Variants in QSOX2 observed in about 807,000 individuals in gnomAD.
QSOX2 encodes the protein quiescin sulfhydryl oxidase 2.
In QSOX2, 46 loss-of-function variants were observed where a neutral mutation model predicts 61.7. The ratio of observed to expected loss-of-function variants is 0.75; its 90% confidence interval spans 0.59 to 0.95. The LOEUF (loss-of-function observed/expected upper bound fraction) is 0.95. QSOX2 is among the 40% of genes least tolerant of loss of function. The pLI, the probability that QSOX2 is intolerant of heterozygous loss-of-function variation, is 0.00. For synonymous variants in QSOX2, 383 were observed against 388.4 expected (o/e 0.99, Z 0.16); for missense variants, 879 against 918.9 (o/e 0.96, Z 0.56).
intron 10 of QSOX2, 51 bp from the exon 11 acceptor site, chr9:136,211,503 G>C (rs1170640334): frequency 1.9e-6 from 3 of 1,576,022 alleles, no homozygotes; most frequent in Non-Finnish European, 2.6e-6. Context: ...GGCATCACCT[G>C]ACCCCACGCT....
At position 136,223,106 on chromosome 9, in the gene QSOX2, G is replaced by A. The variant is rs534311353; in HGVS notation, c.675+657C>T. Among the ~76,000 whole-genome samples the A allele has an allele frequency of 5.9e-5, 9 of 152,292 alleles. No homozygotes were observed. The South Asian group carries it at 8.3e-4, about 14-fold the overall frequency. Reference sequence around the variant, plus strand: ...GGCAAAGCTGTTTCCTACATTCACCGCAAGGCCCCTCACAGTGGACAGAAA... The same window carrying A: ...GGCAAAGCTGTTTCCTACATTCACCACAAGGCCCCTCACAGTGGACAGAAA... On this transcript the variant is annotated intron_variant, in intron 5 of 11. Coordinates refer to ENST00000358701, the MANE Select transcript of QSOX2 (RefSeq NM_181701.4). The surrounding 1 kb of genome is among the most constrained non-coding windows in gnomAD (Gnocchi z 4.4).
rs1830221197 is a variant in QSOX2 at position 136,222,089 on chromosome 9, A to G, written c.676-148T>C. On this transcript the variant is annotated intron_variant, in intron 5 of 11. Transcript: ENST00000358701. The surrounding 1 kb of genome is among the most constrained non-coding windows in gnomAD (Gnocchi z 6.9). ...AGGCAAGACCCTCACTCAAATCTTC[A>G]CTCTCATTGCACTTTAAGGCAACTG... The G allele has an allele frequency of 1.3e-6, 1 of 750,722 alleles. No individual in the cohort carries two copies. Among genetic ancestry groups the G allele is most frequent in the African/African-American group, 1.9e-5 (1 of 51,408 alleles). The allele number at this position is 750,722 out of a possible 1,614,324, so 46.5% of individuals were successfully genotyped here. A position where few individuals can be genotyped will look rare whatever the true frequency, so the allele number is the denominator to read the frequency against.
intron 1 of QSOX2, among the ~76,000 whole-genome samples, chr9:136,229,506 A>C (rs141553217): frequency 1.3e-5 from 2 of 152,098 alleles, no homozygotes; most frequent in Non-Finnish European, 2.9e-5. Context: ...TTTATTCCAC[A>C]CTTTTTTTAA....
Position 136,209,893 on chromosome 9 carries a change from C to A in QSOX2, c.1550-618G>T. The A allele has an allele frequency of 1.0e-6, 1 of 985,400 alleles. No individual in the cohort carries two copies. Among genetic ancestry groups the A allele is most frequent in the Non-Finnish European group, 1.2e-6 (1 of 829,926 alleles). The allele number at this position is 985,400 out of a possible 1,614,324, so 61.0% of individuals were successfully genotyped here. ...GAAGTGACATGTGCTCACTTCCAGG[C>A]CCAACAGGCATCCGTCATGCAGAAG... On this transcript the variant is annotated intron_variant, in intron 11 of 11. Transcript: ENST00000358701. The surrounding 1 kb of genome is among the most constrained non-coding windows in gnomAD (Gnocchi z 5.6).
intron 1 of QSOX2, among the ~76,000 whole-genome samples, chr9:136,236,991 CGTCACCTGGAGCCCGTCCTGGGCCGGT>C (rs1830389735): frequency 1.4e-5 from 2 of 145,988 alleles, no homozygotes; most frequent in Admixed American, 6.8e-5. Flanking sequence ...CCTGGGCCGG[CGTCACCTGGAGCCCGTCCTGGGCCGGT>C]GTCACCTGGA....
intron 1 of QSOX2, among the ~76,000 whole-genome samples, chr9:136,229,117 A>G (rs1396935876): frequency 6.6e-6 from 1 of 152,280 alleles, no homozygotes; most frequent in Non-Finnish European, 1.5e-5. Flanking sequence ...CCTCTTTCAG[A>G]AACAATGACC....
Position 136,208,706 on chromosome 9 carries a change from G to A in QSOX2, c.*22C>T, listed in dbSNP as rs775103013. The A allele has an allele frequency of 9.5e-6, 15 of 1,586,906 alleles. No individual in the cohort carries two copies. In the South Asian group the frequency reaches 1.4e-4, roughly 14 times the overall value. On this transcript the variant is annotated 3_prime_UTR_variant, in exon 12 of 12. Coordinates refer to ENST00000358701, the MANE Select transcript of QSOX2 (RefSeq NM_181701.4). The stretch of plus-strand genomic sequence containing the variant: ...GGCTGCCTCCAAGGGAGCTTCCGCC[G>A]TGGCTGGCAGCACCCGGGCACTCAC...
chr9:136,243,041 G>C (rs1340375924), intron 1 of QSOX2, among the ~76,000 whole-genome samples: 1 of 152,222 alleles, frequency 6.6e-6, no homozygotes, highest in East Asian at 1.9e-4. Flanking sequence ...AGTTTAGGCA[G>C]AGCTGACCAG....
At chr9:136,229,296 A>G (rs930951832) in intron 1 of QSOX2, among the ~76,000 whole-genome samples, 4 of 152,216 alleles carry the variant, frequency 2.6e-5, no homozygotes, top group Non-Finnish European at 5.9e-5. Flanking sequence ...TCACCCAGTC[A>G]GCGCAGCAGA....
In QSOX2 at chr9:136,236,711, G is replaced by A. The variant is rs547378387; in HGVS notation, c.328+8765C>T. Among the ~76,000 whole-genome samples the A allele has an allele frequency of 5.3e-5, 8 of 151,916 alleles. No homozygotes were observed. The East Asian group carries it at 1.6e-3, about 30-fold the overall frequency. On this transcript the variant is annotated intron_variant, in intron 1 of 11. Transcript: ENST00000358701. ...CACCTGAAGCCAGTCCTGTGCCTGC[G>A]TCACGTGGAGCTCGTCCTGGGTCTG...
chr9:136,211,365 A>G lies in QSOX2; in HGVS notation c.1448T>C (p.Phe483Ser). The change falls in exon 11 of 12, where the codon TTT becomes TCT. Residue 483 changes from phenylalanine to serine, a missense_variant. Phe to Ser is a radical substitution (Grantham distance 155, BLOSUM62 -2). Coordinates refer to ENST00000358701, the MANE Select transcript of QSOX2 (RefSeq NM_181701.4). ...CATGGATTCTTTAGCCATTTCCTCA[A>G]AGTGCTCACCACATTCCTTACACCC... ...FFGCKECGEH[F>S]EEMAKESMDS... 1 of 1,614,214 alleles carries G rather than the reference A, an allele frequency of 6.2e-7. No homozygotes were observed. The highest frequency in any genetic ancestry group is 1.1e-5 in the South Asian group (1 of 91,088).
chr9:136,219,207 T>A, intron 6 of QSOX2, 43 bp from the exon 7 acceptor site: 1 of 1,591,750 alleles, frequency 6.3e-7, no homozygotes, highest in Non-Finnish European at 8.5e-7. Flanking sequence ...GCCTCCTTTA[T>A]AAAATCCTAA....
intron 1 of QSOX2, 106 bp from the exon 2 acceptor site, chr9:136,226,980 C>T: frequency 1.2e-6 from 1 of 829,074 alleles, no homozygotes; most frequent in African/African-American, 1.7e-5. Flanking sequence ...GAGACCAGCC[C>T]ACCTGCCCCC....
intron 1 of QSOX2, among the ~76,000 whole-genome samples, chr9:136,244,435 T>G (rs559153307): frequency 6.6e-6 from 1 of 152,366 alleles, no homozygotes; most frequent in Admixed American, 6.5e-5. Context: ...AAAAAGTTTC[T>G]TTACAAATCT....
At chr9:136,240,969 G>A (rs933665081) in intron 1 of QSOX2, among the ~76,000 whole-genome samples, 26 of 152,174 alleles carry the variant, frequency 1.7e-4, no homozygotes, top group African/African-American at 4.6e-4. Context: ...ATGGCACGAC[G>A]ACCGGCATGA....
rs969211581 is a variant in QSOX2 at position 136,207,950 on chromosome 9, G to A, written c.*778C>T. 1.3e-5 allele frequency: 2 copies of A among 152,454 alleles called. No homozygotes were observed. The highest frequency in any genetic ancestry group is 1.3e-4 in the Admixed American group (2 of 15,294). 9.4% of individuals were successfully genotyped at this position (152,454 alleles called of 1,614,324 possible). A position where few individuals can be genotyped will look rare whatever the true frequency, so the allele number is the denominator to read the frequency against. On this transcript the variant is annotated 3_prime_UTR_variant, in exon 12 of 12. Transcript: ENST00000358701. ...AGACAGACAAAGGCGCTGCCTCTGAGGGTTAAATGAGCCCCCATCCTTCCA... is the reference window on the plus strand; with the variant it reads ...AGACAGACAAAGGCGCTGCCTCTGAAGGTTAAATGAGCCCCCATCCTTCCA...
intron 3 of QSOX2, 72 bp from the exon 4 acceptor site, chr9:136,224,184 A>G: frequency 8.2e-7 from 1 of 1,219,088 alleles, no homozygotes; most frequent in South Asian, 1.3e-5. Context: ...ACCCAGGGAC[A>G]GCAGCCCCGT....
chr9:136,238,810 G>A lies in QSOX2; in HGVS notation c.328+6666C>T, dbSNP rs537447944. 3.3e-5 allele frequency among the ~76,000 whole-genome samples: 5 copies of A among 152,318 alleles called. No homozygotes were observed. The East Asian group carries it at 5.8e-4, about 18-fold the overall frequency. On this transcript the variant is annotated intron_variant, in intron 1 of 11. Coordinates refer to ENST00000358701, the MANE Select transcript of QSOX2 (RefSeq NM_181701.4). Reference sequence around the variant, plus strand: ...ACTGAGCCTGCATCTGCCTGCTGCCGGGCCCTCAGGGACCTCGTGGTTGCC... The same window carrying A: ...ACTGAGCCTGCATCTGCCTGCTGCCAGGCCCTCAGGGACCTCGTGGTTGCC...
At chr9:136,234,903 G>A (rs895075770) in intron 1 of QSOX2, among the ~76,000 whole-genome samples, 3 of 151,672 alleles carry the variant, frequency 2.0e-5, no homozygotes, top group African/African-American at 7.3e-5. Flanking sequence ...TCTTGCTCCA[G>A]TCATGTCTGG....
Sources: gnomAD v4.1 joint callset for allele counts (sites outside exome capture counted in the v4.1 genomes callset) on GRCh38, gnomAD v4.1.1 for gene constraint, Gnocchi (gnomAD v3.1) non-coding constraint, MANE v1.5 for transcripts, NCBI Gene and HGNC (gene_info 2026-07-23, HGNC 2026-07-21) for gene names.